Variants in UBE2E2 observed in about 807,000 individuals in gnomAD.
UBE2E2 encodes ubiquitin conjugating enzyme E2 E2, also known as ubiquitin-conjugating enzyme E2 E2.
In UBE2E2, 6 loss-of-function variants were observed where a neutral mutation model predicts 24.7. That is an observed-to-expected ratio of 0.24 (90% CI 0.13 to 0.48). The LOEUF is 0.48. UBE2E2 is among the 20% of genes least tolerant of loss of function. The pLI, the probability that UBE2E2 is intolerant of heterozygous loss-of-function variation, is 0.99. For missense variants in UBE2E2, 169 were observed against 245.0 expected (o/e 0.69, Z 2.07); for synonymous variants, 104 against 83.6 (o/e 1.24, Z -1.33).
intron 3 of UBE2E2, among the ~76,000 whole-genome samples, chr3:23,224,491 T>C (rs1484149462): frequency 3.9e-5 from 6 of 152,092 alleles, no homozygotes; most frequent in Non-Finnish European, 7.4e-5. Context: ...CCACTGATTT[T>C]TGTGTGTTGA....
rs12490726 is a variant in UBE2E2, at chr3:23,222,267, G to C, written c.227+4955G>C. 9.8e-4 allele frequency among the ~76,000 whole-genome samples: 149 copies of C among 152,254 alleles called. No individual in the cohort carries two copies. In the Middle Eastern group the frequency reaches 0.01, roughly 10 times the overall value. ...TCATTTGTTAATGGGCACTCAGGTT[G>C]GTTCCATATTTTAGCTATTGTGAAT... On this transcript the variant is annotated intron_variant, in intron 3 of 5. Transcript: ENST00000396703.
chr3:23,298,072 G>A (rs1175044833), intron 3 of UBE2E2, among the ~76,000 whole-genome samples: 1 of 151,976 alleles, frequency 6.6e-6, no homozygotes, highest in Non-Finnish European at 1.5e-5. Context: ...GTTCACTTAT[G>A]ATTTGGCTCT....
intron 3 of UBE2E2, among the ~76,000 whole-genome samples, chr3:23,284,464 A>G (rs1191324762): frequency 6.6e-6 from 1 of 151,838 alleles, no homozygotes; most frequent in Non-Finnish European, 1.5e-5. Flanking sequence ...TTTGGGGAGC[A>G]CTCCCCAAGG....
chr3:23,428,456 A>G (rs941558268), intron 3 of UBE2E2, among the ~76,000 whole-genome samples: 3 of 152,224 alleles, frequency 2.0e-5, no homozygotes, highest in Non-Finnish European at 4.4e-5. Context: ...AAGATCTAAA[A>G]TCAGTAATCT....
intron 5 of UBE2E2, among the ~76,000 whole-genome samples, chr3:23,559,614 CA>C (rs1275677286): frequency 6.6e-6 from 1 of 152,176 alleles, no homozygotes; most frequent in Non-Finnish European, 1.5e-5. Flanking sequence ...CTCCCTCCCC[CA>C]CTCCTTTCCT....
At chr3:23,332,513 G>A (rs1390288307) in intron 3 of UBE2E2, among the ~76,000 whole-genome samples, 3 of 152,138 alleles carry the variant, frequency 2.0e-5, no homozygotes, top group Non-Finnish European at 4.4e-5. Context: ...TTAAAAGCAT[G>A]TGACTTTAAA....
chr3:23,265,746 T>G (rs1158649279), intron 3 of UBE2E2, among the ~76,000 whole-genome samples: 1 of 152,120 alleles, frequency 6.6e-6, no homozygotes, highest in Non-Finnish European at 1.5e-5. Context: ...GACAGTGGGG[T>G]GTTAAAGTCT....
At chr3:23,507,145 T>C in intron 4 of UBE2E2, among the ~76,000 whole-genome samples, 1 of 152,226 alleles carries the variant, frequency 6.6e-6, no homozygotes, top group East Asian at 1.9e-4. Context: ...TGCCTGCGTT[T>C]GTATGCCACC....
chr3:23,367,382 T>G (rs542534913), intron 3 of UBE2E2, among the ~76,000 whole-genome samples: 2 of 152,026 alleles, frequency 1.3e-5, no homozygotes, highest in Admixed American at 1.3e-4. Flanking sequence ...ATTAGAGGGG[T>G]GGGGCTGAAA....
intron 3 of UBE2E2, among the ~76,000 whole-genome samples, chr3:23,348,730 G>A (rs6550756): frequency 0.44 from 67,109 of 151,842 alleles, 15,118 homozygotes; most frequent in Admixed American, 0.56. Context: ...TATCTTAGAG[G>A]TGAAACAAAA....
chr3:23,344,508 TC>T (rs1695493485), intron 3 of UBE2E2, among the ~76,000 whole-genome samples: 1 of 152,070 alleles, frequency 6.6e-6, no homozygotes. Flanking sequence ...CACTCCTTTT[TC>T]CACTTTCCAG....
intron 3 of UBE2E2, among the ~76,000 whole-genome samples, chr3:23,357,971 G>A (rs1696009338): frequency 1.3e-5 from 2 of 152,134 alleles, no homozygotes; most frequent in African/African-American, 4.8e-5. Flanking sequence ...AGGTAGCTGG[G>A]ACTGCAGGTG....
intron 3 of UBE2E2, among the ~76,000 whole-genome samples, chr3:23,324,133 CATAA>C (rs1401128045): frequency 6.6e-6 from 1 of 152,098 alleles, no homozygotes; most frequent in African/African-American, 2.4e-5. Context: ...GTTTTTGCTG[CATAA>C]ATATTCTGAT....
intron 3 of UBE2E2, among the ~76,000 whole-genome samples, chr3:23,432,115 CTCTT>C (rs539898274): frequency 5.3e-5 from 8 of 152,150 alleles, no homozygotes; most frequent in Admixed American, 1.3e-4. Flanking sequence ...TCATTAATTT[CTCTT>C]TCTATGTTTT....
chr3:23,406,541 C>T (rs1161474357), intron 3 of UBE2E2, among the ~76,000 whole-genome samples: 2 of 152,130 alleles, frequency 1.3e-5, no homozygotes, highest in East Asian at 1.9e-4. Context: ...CCGCTTGAAA[C>T]TGTAGAGAGA....
intron 4 of UBE2E2, 22 bp downstream of exon 4, chr3:23,499,762 AT>A: frequency 6.2e-7 from 1 of 1,606,602 alleles, no homozygotes; most frequent in South Asian, 1.1e-5. Context: ...GTTTTCATTG[AT>A]TTTTAGCAAT....
chr3:23,531,502 T>C (rs1695122337), intron 4 of UBE2E2, among the ~76,000 whole-genome samples: 1 of 152,216 alleles, frequency 6.6e-6, no homozygotes, highest in Non-Finnish European at 1.5e-5. Flanking sequence ...TTATTTTCAG[T>C]TGAAGTGTTT....
At position 23,509,624 on chromosome 3, in the gene UBE2E2, A is replaced by C. The variant is rs185502346; in HGVS notation, c.360+9884A>C. On this transcript the variant is annotated intron_variant, in intron 4 of 5. Coordinates refer to ENST00000396703, the MANE Select transcript of UBE2E2 (RefSeq NM_152653.4). ...TGAAGTTCTAGGGTACATGTGCACA[A>C]CATGTAGGTTTGTTACATATGTATA... is the stretch of plus-strand genomic sequence containing the variant. Among the ~76,000 whole-genome samples the C allele has an allele frequency of 1.3e-3, 203 of 152,090 alleles. 1 individual carries two copies. Among genetic ancestry groups the C allele is most frequent in the African/African-American group, 4.5e-3 (185 of 41,502 alleles).
At chr3:23,209,337 C>T (rs1696250867) in intron 2 of UBE2E2, among the ~76,000 whole-genome samples, 1 of 152,146 alleles carries the variant, frequency 6.6e-6, no homozygotes, top group Non-Finnish European at 1.5e-5. Flanking sequence ...GGTTTCATTA[C>T]ATTAGTCAGT....
Sources: gnomAD v4.1 joint callset for allele counts (sites outside exome capture counted in the v4.1 genomes callset) on GRCh38, gnomAD v4.1.1 for gene constraint, MANE v1.5 for transcripts, NCBI Gene and HGNC (gene_info 2026-07-23, HGNC 2026-07-21) for gene names.